CACNA2D4: variants seen among roughly 807,000 people sequenced by gnomAD.
CACNA2D4 encodes the protein calcium voltage-gated channel auxiliary subunit alpha2delta 4, also known as voltage-dependent calcium channel subunit alpha-2/delta-4.
In CACNA2D4, 157 loss-of-function variants were observed where a neutral mutation model predicts 163.8. That is an observed-to-expected ratio of 0.96 (90% CI 0.84 to 1.09). The LOEUF (loss-of-function observed/expected upper bound fraction) is 1.09. CACNA2D4 is among the 50% of genes least tolerant of loss of function. The pLI, the probability that CACNA2D4 is intolerant of heterozygous loss-of-function variation, is 0.00. For missense variants in CACNA2D4, 1,410 were observed against 1,479.9 expected, an observed-to-expected ratio of 0.95 and a Z score of 0.78; for synonymous variants, 598 against 586.9, an observed-to-expected ratio of 1.02 and a Z score of -0.27.
intron 26 of CACNA2D4, among the ~76,000 whole-genome samples, chr12:1,817,938 G>C (rs1474983566): frequency 6.6e-6 from 1 of 151,628 alleles, no homozygotes; most frequent in East Asian, 1.9e-4. Context: ...TCTCCGCCTG[G>C]CCGCCCATCG....
At position 1,793,360 on chromosome 12, in the gene CACNA2D4, G is replaced by A. The variant is rs1181749637; in HGVS notation, c.*295C>T. 4 of 494,170 alleles carry A rather than the reference G, an allele frequency of 8.1e-6. No individual in the cohort carries two copies. Among genetic ancestry groups the A allele is most frequent in the Non-Finnish European group, 1.5e-5 (4 of 272,444 alleles). The allele number at this position is 494,170 out of a possible 1,614,324, so 30.6% of individuals were successfully genotyped here. On this transcript the variant is annotated 3_prime_UTR_variant, in exon 38 of 38. Coordinates refer to ENST00000382722, the MANE Select transcript of CACNA2D4 (RefSeq NM_172364.5). Reference sequence around the variant, plus strand: ...ATTATTTTGTCTTGGTCCAAGCTGAGCTCACGCTGGCTTCCCGAAGAGGAG... The same window carrying A: ...ATTATTTTGTCTTGGTCCAAGCTGAACTCACGCTGGCTTCCCGAAGAGGAG...
chr12:1,794,341 G>C (rs10773999), intron 37 of CACNA2D4, among the ~76,000 whole-genome samples: 64,298 of 151,584 alleles, frequency 0.42, 16,052 homozygotes, highest in Non-Finnish European at 0.56. Flanking sequence ...TTTCACACCA[G>C]CACTTCAACA....
chr12:1,836,437 A>G (rs74374144), intron 26 of CACNA2D4: 3,924 of 152,512 alleles, frequency 0.026, 89 homozygotes, highest in Non-Finnish European at 0.04. Context: ...CTCCCTGCTC[A>G]TGCGGCAGTG....
In CACNA2D4 at chr12:1,834,552, G is replaced by A. The variant is rs200232561; in HGVS notation, c.2551+6187C>T. 7 of 1,603,570 alleles carry A rather than the reference G, an allele frequency of 4.4e-6. No individual in the cohort carries two copies. The highest frequency in any genetic ancestry group is 5.9e-6 in the Non-Finnish European group (7 of 1,179,920). ...GCCATGGGCACGGTGATCATTGCAGGGGTCGTGTGCGGCGTCGTCTGCATC... is the reference window on the plus strand; with the variant it reads ...GCCATGGGCACGGTGATCATTGCAGAGGTCGTGTGCGGCGTCGTCTGCATC... On this transcript the variant is annotated intron_variant, in intron 26 of 37. Transcript: ENST00000382722. This position sits in a 1 kb window ranked among gnomAD's most constrained non-coding sequence, Gnocchi z 7.6.
chr12:1,910,536 G>A (rs757766090), intron 3 of CACNA2D4, among the ~76,000 whole-genome samples: 4 of 152,154 alleles, frequency 2.6e-5, no homozygotes, highest in Non-Finnish European at 5.9e-5. Flanking sequence ...ACCTAAAATG[G>A]CTCTTAAAAA....
intron 6 of CACNA2D4, among the ~76,000 whole-genome samples, chr12:1,904,768 A>G (rs748831423): frequency 2.0e-5 from 3 of 152,132 alleles, no homozygotes; most frequent in Non-Finnish European, 4.4e-5. Flanking sequence ...GAAATGAGAA[A>G]GAAATTTAAA....
chr12:1,819,001 TA>T (rs34331462), intron 26 of CACNA2D4, among the ~76,000 whole-genome samples: 61,336 of 127,444 alleles, frequency 0.48, 14,429 homozygotes, highest in Middle Eastern at 0.59. Flanking sequence ...CTAAAAAAAT[TA>T]AAAAAAAAAA....
In CACNA2D4 at chr12:1,810,260, A is replaced by G; in HGVS notation, c.2721+18T>C. ...CCTGCCGCCCTCTCCCCCTCATTCT[A>G]TATCCCCAGTGACTCACCTCTCGGG... On this transcript the variant is annotated intron_variant, in intron 29 of 37. Coordinates refer to ENST00000382722, the MANE Select transcript of CACNA2D4 (RefSeq NM_172364.5). 6.2e-7 allele frequency: 1 copy of G among 1,603,950 alleles called. No homozygotes were observed. The highest frequency in any genetic ancestry group is 2.2e-5 in the East Asian group (1 of 44,822).
chr12:1,840,942 A>G, intron 25 of CACNA2D4, 123 bp from the exon 26 acceptor site: 1 of 834,598 alleles, frequency 1.2e-6, no homozygotes, highest in Non-Finnish European at 2.0e-6. Flanking sequence ...GGAAGAATTG[A>G]GGCGAGGGTG....
At chr12:1,895,425 G>A (rs998513446) in intron 6 of CACNA2D4, among the ~76,000 whole-genome samples, 2 of 151,994 alleles carry the variant, frequency 1.3e-5, no homozygotes, top group African/African-American at 4.8e-5. Context: ...AAGCAATCCT[G>A]AGTAAAAACA....
In CACNA2D4 at chr12:1,846,598, CG is replaced by C. The variant is rs746362568; in HGVS notation, c.2337del (p.Asp780ThrfsTer5). ...SSLFVGSEKV[S>X]DRKFLTPEDE... Reference sequence around the variant, plus strand: ...GAGGTGGCCGGCCCAACCCACCTGTCGGAGACCTTCTCGGAGCCCACGAACA... The same window carrying C: ...GAGGTGGCCGGCCCAACCCACCTGTCGAGACCTTCTCGGAGCCCACGAACA... On this transcript the variant is annotated frameshift_variant, in exon 24 of 38. Coordinates refer to ENST00000382722, the MANE Select transcript of CACNA2D4 (RefSeq NM_172364.5). LOFTEE classifies it high-confidence loss of function. The C allele has an allele frequency of 1.0e-5, 16 of 1,593,710 alleles. No homozygotes were observed. In the African/African-American group the frequency reaches 2.0e-4, roughly 20 times the overall value.
In CACNA2D4 at chr12:1,831,621, C is replaced by T; in HGVS notation, c.2551+9118G>A. On this transcript the variant is annotated intron_variant, in intron 26 of 37. Coordinates refer to ENST00000382722, the MANE Select transcript of CACNA2D4 (RefSeq NM_172364.5). Reference sequence around the variant, plus strand: ...GGTGGCTGGGTGCTGACTCAGAGAGCAGGCCAGGGGAAAGAAGGGGGCGAC... The same window carrying T: ...GGTGGCTGGGTGCTGACTCAGAGAGTAGGCCAGGGGAAAGAAGGGGGCGAC... 3.6e-6 allele frequency: 4 copies of T among 1,101,488 alleles called. No homozygotes were observed. The South Asian group carries it at 6.0e-5, about 17-fold the overall frequency. 68.2% of individuals were successfully genotyped at this position (1,101,488 alleles called of 1,614,324 possible).
rs1300439567 is a variant in CACNA2D4 at position 1,854,032 on chromosome 12, A to G, written c.2165T>C (p.Leu722Pro). ...CGCGTCAAACAGCACCTCCCGGACC[A>G]GCTCCTCGTCACCTGGGTGCAAAAC... ...KDPDLECDEE[L>P]VREVLFDAVV... The change falls in exon 23 of 38, where the codon CTG becomes CCG. Residue 722 changes from leucine (L) to proline (P), a missense_variant. By Grantham distance (98) the Leu-to-Pro change is moderately conservative. Transcript: ENST00000382722. 6.2e-7 allele frequency: 1 copy of G among 1,610,228 alleles called. No individual in the cohort carries two copies. Among genetic ancestry groups the G allele is most frequent in the Non-Finnish European group, 8.5e-7 (1 of 1,177,828 alleles).
intron 26 of CACNA2D4, among the ~76,000 whole-genome samples, chr12:1,817,782 A>G (rs934065003): frequency 2.6e-5 from 4 of 152,092 alleles, no homozygotes. Flanking sequence ...TGGTTCACTC[A>G]GTGCTCAATG....
chr12:1,899,438 A>C (rs908252841), intron 6 of CACNA2D4, among the ~76,000 whole-genome samples: 1 of 152,172 alleles, frequency 6.6e-6, no homozygotes, highest in Non-Finnish European at 1.5e-5. Flanking sequence ...GAAAAAATGC[A>C]TAATACTGTA....
intron 23 of CACNA2D4, among the ~76,000 whole-genome samples, chr12:1,848,223 C>T (rs1315239855): frequency 2.0e-5 from 3 of 152,228 alleles, no homozygotes; most frequent in Non-Finnish European, 4.4e-5. Context: ...TAACCTGATT[C>T]CCTTTCTCTC....
chr12:1,824,638 G>A (rs1185316281), intron 26 of CACNA2D4, among the ~76,000 whole-genome samples: 2 of 152,244 alleles, frequency 1.3e-5, no homozygotes, highest in Non-Finnish European at 2.9e-5. Flanking sequence ...ACCCTGGGTA[G>A]GGACTTCCCT....
At chr12:1,902,720 A>AT (rs1866565477) in intron 6 of CACNA2D4, among the ~76,000 whole-genome samples, 1 of 152,148 alleles carries the variant, frequency 6.6e-6, no homozygotes, top group Non-Finnish European at 1.5e-5. Context: ...TGAAGATGAC[A>AT]CAAAAAATGG....
At chr12:1,849,897 G>C (rs998665013) in intron 23 of CACNA2D4, among the ~76,000 whole-genome samples, 3 of 152,160 alleles carry the variant, frequency 2.0e-5, no homozygotes, top group African/African-American at 7.2e-5. Flanking sequence ...GCAGTATATA[G>C]AGATATTCTA....
Sources: gnomAD v4.1 joint callset for allele counts (sites outside exome capture counted in the v4.1 genomes callset) on GRCh38, gnomAD v4.1.1 for gene constraint, Gnocchi (gnomAD v3.1) non-coding constraint, MANE v1.5 for transcripts, NCBI Gene and HGNC (gene_info 2026-07-23, HGNC 2026-07-21) for gene names.